LY75: variants seen among roughly 807,000 people sequenced by gnomAD.
LY75 encodes lymphocyte antigen 75, also known as C-type lectin domain family 13 member B.
Under a neutral mutation model 231.7 loss-of-function variants are expected in LY75, and 185 were observed. The observed-to-expected ratio is 0.80, with a 90% confidence interval of 0.71 to 0.90. LY75 has a LOEUF of 0.90. Among genes scored for constraint, LY75 ranks in the 40% least tolerant of loss-of-function variants. LY75 has a pLI of 0.00. For missense variants in LY75, 1,947 were observed against 2,050.2 expected, an observed-to-expected ratio of 0.95 and a Z score of 0.97; for synonymous variants, 668 against 689.0, an observed-to-expected ratio of 0.97 and a Z score of 0.48.
At chr2:159,879,483 A>G (rs1685373020) in intron 8 of LY75, 114 bp from the exon 9 acceptor site, 25 of 1,442,872 alleles carry the variant, frequency 1.7e-5, no homozygotes, top group Non-Finnish European at 2.3e-5. Flanking sequence ...ATATAAGTGA[A>G]TTATCAAATG....
At chr2:159,888,603 T>G (rs1015401695) in intron 4 of LY75, among the ~76,000 whole-genome samples, 2 of 152,194 alleles carry the variant, frequency 1.3e-5, no homozygotes, top group Non-Finnish European at 2.9e-5. Context: ...TTCCAGTTAT[T>G]ATAAAATAGT....
Position 159,882,327 on chromosome 2 carries a change from G to A in LY75, c.1055-12C>T, listed in dbSNP as rs1352092958. On this transcript the variant is annotated splice_polypyrimidine_tract_variant and intron_variant, in intron 6 of 34. Transcript: ENST00000263636. Reference sequence around the variant, plus strand: ...GTATGTCCAGACATCTGGGGGAAAAGCAGCTATTTATATTCCAGTAAAGAT... The same window carrying A: ...GTATGTCCAGACATCTGGGGGAAAAACAGCTATTTATATTCCAGTAAAGAT... 5.0e-6 allele frequency: 8 copies of A among 1,610,678 alleles called. No individual in the cohort carries two copies. Among genetic ancestry groups the A allele is most frequent in the Non-Finnish European group, 6.8e-6 (8 of 1,178,800 alleles).
chr2:159,835,074 C>T (rs1354264018), intron 26 of LY75, among the ~76,000 whole-genome samples: 2 of 152,068 alleles, frequency 1.3e-5, no homozygotes, highest in East Asian at 3.9e-4. Flanking sequence ...CCTAAATTTC[C>T]CCTTGTCTTA....
At chr2:159,889,922 C>T (rs1204889779) in intron 4 of LY75, among the ~76,000 whole-genome samples, 3 of 152,104 alleles carry the variant, frequency 2.0e-5, no homozygotes, top group Non-Finnish European at 4.4e-5. Context: ...TAATTATTCG[C>T]TTTTTGAAAA....
At chr2:159,837,823 A>G (rs1237159004) in intron 25 of LY75, among the ~76,000 whole-genome samples, 2 of 152,126 alleles carry the variant, frequency 1.3e-5, no homozygotes, top group African/African-American at 2.4e-5. Context: ...TCCCCATGAC[A>G]TTCACTGAGG....
At chr2:159,819,139 G>A (rs67073100) in intron 29 of LY75, among the ~76,000 whole-genome samples, 41,820 of 151,946 alleles carry the variant, frequency 0.28, 7,014 homozygotes, top group Non-Finnish European at 0.37. Context: ...CCACCTTTAC[G>A]GGCTCCCAGT....
chr2:159,820,358 A>G (rs970178540), intron 28 of LY75, among the ~76,000 whole-genome samples: 1 of 152,246 alleles, frequency 6.6e-6, no homozygotes, highest in African/African-American at 2.4e-5. Flanking sequence ...CTCAGCCATA[A>G]AAAGGAATGA....
rs780414303 is a variant in LY75 at position 159,834,193 on chromosome 2, A to G, written c.3692T>C (p.Val1231Ala). ...ACATTTAACACTGTCAACTGGTTTG[A>G]CCTCTTTTTCAGTCTCATCTAGAAA... ...YYSGNETEKE[V>A]KPVDSVKCPS... Residue 1231 changes from valine (V) to alanine (A), a missense_variant, in exon 27 of 35, where the codon GTC becomes GCC. Coordinates refer to ENST00000263636, the MANE Select transcript of LY75 (RefSeq NM_002349.4). 3.1e-6 allele frequency: 5 copies of G among 1,613,332 alleles called. No individual in the cohort carries two copies. The Admixed American group carries it at 5.0e-5, about 16-fold the overall frequency.
chr2:159,831,464 T>C (rs750806686), intron 28 of LY75, among the ~76,000 whole-genome samples: 5 of 152,146 alleles, frequency 3.3e-5, no homozygotes, highest in Non-Finnish European at 7.4e-5. Context: ...ATTCAGAAAA[T>C]TATTTTCCGC....
chr2:159,854,937 G>C lies in LY75; in HGVS notation c.2386C>G (p.Arg796Gly), dbSNP rs374196065. 10 of 1,613,604 alleles carry C rather than the reference G, an allele frequency of 6.2e-6. 1 individual carries two copies. The African/African-American group carries it at 9.3e-5, about 15-fold the overall frequency. ...LEWVCQIPKGRTPKTPDWYNP... is the reference protein window; with the variant it reads ...LEWVCQIPKGGTPKTPDWYNP... ...TACCAGTCTGGTGTTTTTGGAGTAC[G>C]GCCTGTATGAGGAAGAAAGCAAGTG... Residue 796 changes from arginine to glycine, a missense_variant and splice_region_variant, in exon 17 of 35, where the codon CGT becomes GGT. Physicochemically the swap from Arg to Gly is moderately radical, Grantham distance 125 (BLOSUM62 -2). Coordinates refer to ENST00000263636, the MANE Select transcript of LY75 (RefSeq NM_002349.4).
chr2:159,897,754 C>T (rs1394035158), intron 2 of LY75, among the ~76,000 whole-genome samples: 5 of 152,142 alleles, frequency 3.3e-5, no homozygotes, highest in Admixed American at 6.5e-5. Context: ...TGCATATCGA[C>T]ATTTGGTGTA....
chr2:159,898,614 T>C (rs1334407951), intron 2 of LY75, 74 bp downstream of exon 2: 1 of 1,543,166 alleles, frequency 6.5e-7, no homozygotes, highest in African/African-American at 1.4e-5. Context: ...CTATTTTTAC[T>C]AAATTGTGCA....
At chr2:159,810,799 A>G in intron 31 of LY75, 124 bp from the exon 32 acceptor site, 2 of 1,411,354 alleles carry the variant, frequency 1.4e-6, no homozygotes, top group Non-Finnish European at 1.9e-6. Flanking sequence ...AACTCATACC[A>G]GAGAAAGCCA....
chr2:159,901,183 A>G (rs1024390760), intron 1 of LY75, among the ~76,000 whole-genome samples: 3 of 152,064 alleles, frequency 2.0e-5, no homozygotes, highest in Admixed American at 6.6e-5. Context: ...GCCATTTTCT[A>G]CTTGATGGAC....
rs1010814532 is a variant in LY75, at chr2:159,831,687, A to C, written c.3941T>G (p.Leu1314Ter). ...YFNYMASWVM[L>*]GITYRNKSLM... The stretch of plus-strand genomic sequence containing the variant: ...CAACTTACTTCTATAAGTTATTCCT[A>C]ACATGACCCATGAAGCCATATAATT... Residue 1314 changes from leucine (L) to a stop codon, truncating the protein, a stop_gained, in exon 28 of 35, where the codon TTA becomes TGA. Transcript: ENST00000263636. LOFTEE classifies it high-confidence loss of function. 1 of 1,610,380 alleles carries C rather than the reference A, an allele frequency of 6.2e-7. No individual in the cohort carries two copies. The highest frequency in any genetic ancestry group is 1.3e-5 in the African/African-American group (1 of 74,924).
At chr2:159,887,735 T>C (rs2125880375) in intron 4 of LY75, among the ~76,000 whole-genome samples, 1 of 152,156 alleles carries the variant, frequency 6.6e-6, no homozygotes, top group South Asian at 2.1e-4. Context: ...GAAACAGATA[T>C]ACTTCTAAAA....
Position 159,854,491 on chromosome 2 carries a change from C to G in LY75, c.2464G>C (p.Glu822Gln), listed in dbSNP as rs1271946716. The G allele has an allele frequency of 6.2e-7, 1 of 1,613,340 alleles. No individual in the cohort carries two copies. Among genetic ancestry groups the G allele is most frequent in the Non-Finnish European group, 8.5e-7 (1 of 1,179,576 alleles). The change falls in exon 18 of 35, where the codon GAA (glutamate) becomes CAA (glutamine). Residue 822 changes from glutamate (E) to glutamine (Q), a missense_variant. Glu to Gln is a conservative substitution (Grantham distance 29). Transcript: ENST00000263636. Reference protein sequence around the residue: ...HGPPLIIEGSEYWFVADLHLN... With the variant: ...HGPPLIIEGSQYWFVADLHLN... Reference sequence around the variant, plus strand: ...TGAAGATCAGCAACAAACCAATATTCACTTCCTTCAATTATAAGTGGAGGT... The same window carrying G: ...TGAAGATCAGCAACAAACCAATATTGACTTCCTTCAATTATAAGTGGAGGT...
Position 159,850,405 on chromosome 2 carries a change from G to A in LY75, c.2946C>T (p.Ser982=). 1 of 1,613,720 alleles carries A rather than the reference G, an allele frequency of 6.2e-7. No individual in the cohort carries two copies. Among genetic ancestry groups the A allele is most frequent in the Non-Finnish European group, 8.5e-7 (1 of 1,179,720 alleles). ...ACACTGAAGGAAGGGTGCCACCATA[G>A]GAGTGACAGGTATCGCTTGCTTGAG... ...TFSQASDTCH[S]YGGTLPSVLS... The change falls in exon 22 of 35, where the codon TCC becomes TCT. Residue 982 remains serine, a synonymous_variant. Coordinates refer to ENST00000263636, the MANE Select transcript of LY75 (RefSeq NM_002349.4).
intron 26 of LY75, 21 bp downstream of exon 26, chr2:159,835,459 A>C: frequency 6.4e-7 from 1 of 1,568,694 alleles, no homozygotes; most frequent in Non-Finnish European, 8.6e-7. Flanking sequence ...TTAAGAATTA[A>C]AAGATCTGAA....
Sources: allele counts gnomAD v4.1 joint callset (sites outside exome capture counted in the v4.1 genomes callset), GRCh38; gene constraint gnomAD v4.1.1; transcripts MANE v1.5; gene names NCBI Gene and HGNC (gene_info 2026-07-23, HGNC 2026-07-21).